Variants in SMAD2 observed in about 807,000 individuals in gnomAD.
The protein encoded by SMAD2 is MAD homolog 2.
In SMAD2, 8 loss-of-function variants were observed where a neutral mutation model predicts 64.4. That is an observed-to-expected ratio of 0.12 (90% CI 0.07 to 0.22). The LOEUF is 0.22. SMAD2 is among the 10% of genes least tolerant of loss of function. SMAD2 has a pLI of 1.00. For synonymous variants in SMAD2, 203 were observed against 195.8 expected (o/e 1.04, Z -0.31); for missense variants, 289 against 561.2 (o/e 0.51, Z 4.90).
chr18:47,876,474 A>G (rs1178214508), intron 2 of SMAD2, among the ~76,000 whole-genome samples: 1 of 152,058 alleles, frequency 6.6e-6, no homozygotes, highest in African/African-American at 2.4e-5. Flanking sequence ...TTTCTTAAAG[A>G]CAGATTATCC....
chr18:47,905,548 T>C (rs2033868981), intron 1 of SMAD2, among the ~76,000 whole-genome samples: 1 of 151,236 alleles, frequency 6.6e-6, no homozygotes, highest in Non-Finnish European at 1.5e-5. Context: ...TAAAAAGACT[T>C]AGTAATCAAG....
At chr18:47,923,039 T>C (rs2034625222) in intron 1 of SMAD2, among the ~76,000 whole-genome samples, 1 of 142,372 alleles carries the variant, frequency 7.0e-6, no homozygotes, top group Non-Finnish European at 1.5e-5. Context: ...GGGACTGCTG[T>C]GTAAAGAGAC....
chr18:47,908,778 A>G (rs2034006593), intron 1 of SMAD2, among the ~76,000 whole-genome samples: 1 of 152,228 alleles, frequency 6.6e-6, no homozygotes, highest in South Asian at 2.1e-4. Flanking sequence ...GAGGCTAATC[A>G]TCTCTGCATG....
intron 1 of SMAD2, among the ~76,000 whole-genome samples, chr18:47,929,863 C>A (rs761452583): frequency 1.4e-4 from 22 of 152,150 alleles, no homozygotes; most frequent in Non-Finnish European, 2.5e-4. Context: ...ATAGGCTCCA[C>A]CCGCAGAACA....
Position 47,815,494 on chromosome 18 carries a change from A to G in SMAD2, c.*26333T>C, listed in dbSNP as rs1010054360. On this transcript the variant is annotated 3_prime_UTR_variant, in exon 11 of 11. Coordinates refer to ENST00000262160, the MANE Select transcript of SMAD2 (RefSeq NM_005901.6). ...GCAGATCCCAGTGCTCCAATTCCAG[A>G]CCTGCTAAAGCAGAATCTCACAATT... 6.6e-6 allele frequency: 1 copy of G among 152,222 alleles called. No individual in the cohort carries two copies. The highest frequency in any genetic ancestry group is 2.4e-5 in the African/African-American group (1 of 41,460). The allele number at this position is 152,222 out of a possible 1,614,324, so 9.4% of individuals were successfully genotyped here. A position where few individuals can be genotyped will look rare whatever the true frequency, so the allele number is the denominator to read the frequency against.
rs1279982009 is a variant in SMAD2 at position 47,930,643 on chromosome 18, G to A, written c.-336C>T. 6.7e-6 allele frequency: 1 copy of A among 150,044 alleles called. No homozygotes were observed. Among genetic ancestry groups the A allele is most frequent in the Admixed American group, 6.6e-5 (1 of 15,112 alleles). The allele number at this position is 150,044 out of a possible 1,614,324, so 9.3% of individuals were successfully genotyped here. A position where few individuals can be genotyped will look rare whatever the true frequency, so the allele number is the denominator to read the frequency against. On this transcript the variant is annotated 5_prime_UTR_variant, in exon 1 of 11. Coordinates refer to ENST00000262160, the MANE Select transcript of SMAD2 (RefSeq NM_005901.6). The stretch of plus-strand genomic sequence containing the variant: ...CTGGCCGCCGCCCGCGGGGAAGGAG[G>A]GGGTGAGGACGCGCGCGCCCGCGCT...
In SMAD2 at chr18:47,841,147, AAAAAAAAAAC is replaced by A. The variant is rs780793372; in HGVS notation, c.*670_*679del. The A allele has an allele frequency of 1.1e-3, 236 of 218,502 alleles. 1 individual carries two copies. Among genetic ancestry groups the A allele is most frequent in the East Asian group, 4.8e-3 (74 of 15,284 alleles). The allele number at this position is 218,502 out of a possible 1,614,324, so 13.5% of individuals were successfully genotyped here. A position where few individuals can be genotyped will look rare whatever the true frequency, so the allele number is the denominator to read the frequency against. ...TCCTTATAATAAGATTTAGCAGTTA[AAAAAAAAAAC>A]AAAAAAAAACAAAAAACCACAAAAA... On this transcript the variant is annotated 3_prime_UTR_variant, in exon 11 of 11. Transcript: ENST00000262160.
At chr18:47,891,856 A>G (rs79416185) in intron 2 of SMAD2, among the ~76,000 whole-genome samples, 1 of 152,204 alleles carries the variant, frequency 6.6e-6, no homozygotes, top group Non-Finnish European at 1.5e-5. Flanking sequence ...TCCTATTTAA[A>G]CATTTAATTG....
At chr18:47,852,607 G>T (rs1193820417) in intron 6 of SMAD2, among the ~76,000 whole-genome samples, 1 of 152,112 alleles carries the variant, frequency 6.6e-6, no homozygotes, top group Admixed American at 6.5e-5. Context: ...TAAAAGTTTG[G>T]TAGAATTCTT....
intron 2 of SMAD2, among the ~76,000 whole-genome samples, chr18:47,893,246 GC>G (rs2033290491): frequency 6.6e-6 from 1 of 152,170 alleles, no homozygotes; most frequent in Non-Finnish European, 1.5e-5. Context: ...TATAACTACA[GC>G]TTTTAAACTG....
At chr18:47,864,388 AAAG>A (rs2031407044) in intron 6 of SMAD2, among the ~76,000 whole-genome samples, 2 of 152,172 alleles carry the variant, frequency 1.3e-5, no homozygotes, top group Admixed American at 1.3e-4. Context: ...AGATGTGGAG[AAAG>A]ACTGATGGTA....
In SMAD2 at chr18:47,832,261, A is replaced by G. The variant is rs1246952070; in HGVS notation, c.*9566T>C. ...CAGAACAGTGTCACTACTTCAAGCT[A>G]AGCAGTGACAGGCAAAGCCAGGCTG... On this transcript the variant is annotated 3_prime_UTR_variant, in exon 11 of 11. Coordinates refer to ENST00000262160, the MANE Select transcript of SMAD2 (RefSeq NM_005901.6). 6.6e-6 allele frequency: 1 copy of G among 152,184 alleles called. No homozygotes were observed. Among genetic ancestry groups the G allele is most frequent in the Admixed American group, 6.5e-5 (1 of 15,274 alleles). The allele number at this position is 152,184 out of a possible 1,614,324, so 9.4% of individuals were successfully genotyped here.
At chr18:47,909,501 G>GA (rs1421992627) in intron 1 of SMAD2, among the ~76,000 whole-genome samples, 2 of 152,110 alleles carry the variant, frequency 1.3e-5, no homozygotes, top group Non-Finnish European at 2.9e-5. Context: ...TATTCTAGGG[G>GA]AAAAAACTGC....
At chr18:47,926,981 A>G (rs2034792308) in intron 1 of SMAD2, among the ~76,000 whole-genome samples, 1 of 152,134 alleles carries the variant, frequency 6.6e-6, no homozygotes, top group Non-Finnish European at 1.5e-5. Context: ...CTGAGAAACA[A>G]AATATTAGGC....
chr18:47,874,431 T>G (rs1232809292), intron 2 of SMAD2, among the ~76,000 whole-genome samples: 2 of 152,174 alleles, frequency 1.3e-5, no homozygotes, highest in Non-Finnish European at 1.5e-5. Flanking sequence ...ATGAAAGAAC[T>G]TTCTGGATGA....
At chr18:47,891,590 G>C (rs971539317) in intron 2 of SMAD2, among the ~76,000 whole-genome samples, 4 of 150,900 alleles carry the variant, frequency 2.7e-5, no homozygotes, top group African/African-American at 9.8e-5. Flanking sequence ...TCACAGATGT[G>C]ATCACTGCAC....
At position 47,841,961 on chromosome 18, in the gene SMAD2, G is replaced by C. The variant is rs781677330; in HGVS notation, c.1281-11C>G. The C allele has an allele frequency of 6.2e-7, 1 of 1,613,996 alleles. No homozygotes were observed. The highest frequency in any genetic ancestry group is 1.1e-5 in the South Asian group (1 of 91,080). ...GTTACCGTCTGCCTTCTGTTTAAAA[G>C]AATACAGGAAAATGATTATGAAATT... On this transcript the variant is annotated splice_polypyrimidine_tract_variant and intron_variant, in intron 10 of 10. Transcript: ENST00000262160.
intron 6 of SMAD2, among the ~76,000 whole-genome samples, chr18:47,859,704 C>T (rs1410431189): frequency 1.3e-5 from 2 of 152,076 alleles, no homozygotes; most frequent in Non-Finnish European, 2.9e-5. Context: ...TCTAAATGTA[C>T]ACCACAGGAG....
chr18:47,928,080 A>C (rs2034840292), intron 1 of SMAD2, among the ~76,000 whole-genome samples: 1 of 152,134 alleles, frequency 6.6e-6, no homozygotes, highest in Non-Finnish European at 1.5e-5. Context: ...AAAGACTAAG[A>C]ATCTAAAAGA....
Sources: gnomAD v4.1 joint callset for allele counts (sites outside exome capture counted in the v4.1 genomes callset) on GRCh38, gnomAD v4.1.1 for gene constraint, MANE v1.5 for transcripts, NCBI Gene and HGNC (gene_info 2026-07-23, HGNC 2026-07-21) for gene names.